The following HNRNPUL1 variants were observed in gnomAD, a reference collection of about 807,000 sequenced individuals.
The protein encoded by HNRNPUL1 is heterogeneous nuclear ribonucleoprotein U like 1.
A neutral mutation model predicts 108.5 loss-of-function variants in HNRNPUL1; 14 were observed. The observed-to-expected ratio is 0.13, with a 90% confidence interval of 0.09 to 0.20. The LOEUF is 0.20. Ranked by LOEUF, HNRNPUL1 falls within the 10% of genes least tolerant of loss-of-function variation. The pLI is 1.00. For synonymous variants in HNRNPUL1, 422 were observed against 445.2 expected (o/e 0.95, Z 0.66); for missense variants, 804 against 1,168.3 (o/e 0.69, Z 4.55).
At chr19:41,281,533 C>G (rs190166151) in intron 7 of HNRNPUL1, among the ~76,000 whole-genome samples, 1 of 152,024 alleles carries the variant, frequency 6.6e-6, no homozygotes, top group Admixed American at 6.6e-5. Context: ...AGCCTTCCTC[C>G]GTTCCTAGGT....
chr19:41,295,711 C>G (rs1599839366), intron 10 of HNRNPUL1, among the ~76,000 whole-genome samples: 2 of 152,304 alleles, frequency 1.3e-5, no homozygotes, highest in South Asian at 4.1e-4. Context: ...TACGTGTAGG[C>G]CTGGATACTT....
chr19:41,292,222 A>T lies in HNRNPUL1; in HGVS notation c.1000-23A>T, dbSNP rs1238198126. The T allele has an allele frequency of 5.6e-6, 9 of 1,611,180 alleles. No individual in the cohort carries two copies. The highest frequency in any genetic ancestry group is 6.8e-6 in the Non-Finnish European group (8 of 1,177,760). On this transcript the variant is annotated intron_variant, in intron 7 of 14. Coordinates refer to ENST00000392006, the MANE Select transcript of HNRNPUL1 (RefSeq NM_007040.6). This position sits in a 1 kb window ranked among gnomAD's most constrained non-coding sequence, Gnocchi z 4.1. ...GCCTATGGCAAGAGTTGGCAATCAT[A>T]TTCCTTTGGCTTTTTCTCCTAGGAT...
In HNRNPUL1 at chr19:41,303,514, C is replaced by T. The variant is rs538600126; in HGVS notation, c.1973-458C>T. Among the ~76,000 whole-genome samples, 52 of 152,186 alleles carry T rather than the reference C, an allele frequency of 3.4e-4. 2 individuals carry two copies. The South Asian group carries it at 9.6e-3, about 28-fold the overall frequency. ...GGATTGTAGGCAAGCACCACCACGC[C>T]CGGCTAATTTTGTATTTTTAGTAGA... On this transcript the variant is annotated intron_variant, in intron 12 of 14. Coordinates refer to ENST00000392006, the MANE Select transcript of HNRNPUL1 (RefSeq NM_007040.6).
chr19:41,293,399 C>T lies in HNRNPUL1; in HGVS notation c.1266+888C>T, dbSNP rs547293578. ...CTTCACATTATTTTGTGAGCTTTAT[C>T]CCATCACATAAAAACCTCTCTTTGA... On this transcript the variant is annotated intron_variant, in intron 8 of 14. Transcript: ENST00000392006. Among the ~76,000 whole-genome samples the T allele has an allele frequency of 8.5e-5, 13 of 152,202 alleles. No homozygotes were observed. In the East Asian group the frequency reaches 2.5e-3, roughly 29 times the overall value.
chr19:41,276,217 A>G lies in HNRNPUL1; in HGVS notation c.705A>G (p.Thr235=), dbSNP rs2035546517. The G allele has an allele frequency of 6.2e-7, 1 of 1,613,880 alleles. No homozygotes were observed. Among genetic ancestry groups the G allele is most frequent in the Non-Finnish European group, 8.5e-7 (1 of 1,179,968 alleles). ...ARDRSSGYPL[T]IEGFAYLWSG... is the part of the protein sequence containing the mutation. ...ATCGGAGTAGTGGCTATCCGCTCAC[A>G]ATTGAGGGCTTTGCATACCTGTGGT... is the stretch of plus-strand genomic sequence containing the variant. The change falls in exon 5 of 15, where the codon ACA becomes ACG. Residue 235 remains threonine (T), a synonymous_variant. Coordinates refer to ENST00000392006, the MANE Select transcript of HNRNPUL1 (RefSeq NM_007040.6).
intron 2 of HNRNPUL1, among the ~76,000 whole-genome samples, chr19:41,270,565 G>A (rs1413835201): frequency 1.4e-5 from 2 of 147,540 alleles, no homozygotes; most frequent in African/African-American, 2.5e-5. Context: ...ACAGAACAAA[G>A]TTCCCCATGA....
intron 2 of HNRNPUL1, among the ~76,000 whole-genome samples, chr19:41,270,257 A>T (rs2035141046): frequency 6.6e-6 from 1 of 151,954 alleles, no homozygotes; most frequent in Non-Finnish European, 1.5e-5. Context: ...TTCTGGGGTT[A>T]CAGGCGTGAG....
intron 5 of HNRNPUL1, chr19:41,278,348 A>C (rs1286164831): frequency 6.6e-6 from 1 of 151,936 alleles, no homozygotes; most frequent in African/African-American, 2.4e-5. Flanking sequence ...GGCTTGAGCC[A>C]CCGTGCCCGG....
At chr19:41,303,888 C>T in intron 12 of HNRNPUL1, 84 bp from the exon 13 acceptor site, 1 of 1,511,816 alleles carries the variant, frequency 6.6e-7, no homozygotes. Flanking sequence ...CATGCCGGCT[C>T]ACAGTAGTCA....
intron 7 of HNRNPUL1, among the ~76,000 whole-genome samples, chr19:41,281,972 A>G (rs533916705): frequency 2.9e-4 from 44 of 152,338 alleles, no homozygotes; most frequent in Admixed American, 1.9e-3. Context: ...AAGTTAATCC[A>G]TTAAAAGCAC....
At position 41,269,693 on chromosome 19, in the gene HNRNPUL1, C is replaced by T. The variant is rs2035095212; in HGVS notation, c.418+1348C>T. 1.3e-5 allele frequency among the ~76,000 whole-genome samples: 2 copies of T among 151,976 alleles called. 1 individual carries two copies. Among genetic ancestry groups the T allele is most frequent in the Admixed American group, 1.3e-4 (2 of 15,270 alleles). On this transcript the variant is annotated intron_variant, in intron 2 of 14. Transcript: ENST00000392006. ...GGTGACATGCTTGTAGTCCCAGCTA[C>T]TCAGAAGACTGAGTCAGGAGGATCA... is the stretch of plus-strand genomic sequence containing the variant.
chr19:41,302,445 C>G (rs1393453811), intron 11 of HNRNPUL1: 5 of 621,054 alleles, frequency 8.1e-6, no homozygotes, highest in Non-Finnish European at 1.5e-5. Context: ...TCTTGAACTC[C>G]TGACCTCAGG....
intron 1 of HNRNPUL1, among the ~76,000 whole-genome samples, chr19:41,267,087 A>G (rs184489218): frequency 1.8e-4 from 27 of 152,306 alleles, no homozygotes; most frequent in Admixed American, 5.2e-4. Context: ...TGGCTTAAAG[A>G]TATTGGCAAG....
At chr19:41,303,208 C>A (rs1184263878) in intron 12 of HNRNPUL1, among the ~76,000 whole-genome samples, 1 of 152,114 alleles carries the variant, frequency 6.6e-6, no homozygotes, top group Admixed American at 6.5e-5. Flanking sequence ...TTTTTGTGAA[C>A]CTTCCCCCAT....
chr19:41,264,330 T>A, upstream of HNRNPUL1: 1 of 499,866 alleles, frequency 2.0e-6, no homozygotes, highest in Non-Finnish European at 3.2e-6. Flanking sequence ...TCATGTAACA[T>A]CGGACGAGGC....
intron 4 of HNRNPUL1, among the ~76,000 whole-genome samples, chr19:41,275,658 T>A (rs1327077733): frequency 2.6e-5 from 4 of 152,146 alleles, no homozygotes; most frequent in African/African-American, 9.7e-5. Context: ...ACAGGCCAAT[T>A]TGCAATACTG....
chr19:41,292,528 T>C lies in HNRNPUL1; in HGVS notation c.1266+17T>C, dbSNP rs1221017267. 6.2e-7 allele frequency: 1 copy of C among 1,600,460 alleles called. No individual in the cohort carries two copies. The highest frequency in any genetic ancestry group is 8.6e-7 in the Non-Finnish European group (1 of 1,169,522). On this transcript the variant is annotated intron_variant, in intron 8 of 14. Coordinates refer to ENST00000392006, the MANE Select transcript of HNRNPUL1 (RefSeq NM_007040.6). The surrounding 1 kb of genome is among the most constrained non-coding windows in gnomAD (Gnocchi z 4.1). The stretch of plus-strand genomic sequence containing the variant: ...GAATGTGAGGTGAGTGGGGCCAGAA[T>C]GTATTGGTGGCCACCTTGCTGCCAA...
intron 3 of HNRNPUL1, 32 bp downstream of exon 3, chr19:41,272,267 C>G (rs753111935): frequency 8.1e-6 from 13 of 1,605,906 alleles, no homozygotes; most frequent in Non-Finnish European, 1.0e-5. Context: ...CACCCTTGCT[C>G]TGGTAGGTTT....
chr19:41,284,933 T>G lies in HNRNPUL1; in HGVS notation c.999+3658T>G, dbSNP rs546530633. Among the ~76,000 whole-genome samples the G allele has an allele frequency of 2.0e-5, 3 of 151,024 alleles. No homozygotes were observed. The East Asian group carries it at 5.9e-4, about 30-fold the overall frequency. On this transcript the variant is annotated intron_variant, in intron 7 of 14. Transcript: ENST00000392006. ...ATGGCGTGACCCTGGGAGGCGGAGCTTGCAGTGAGCCACGATTGCGCCACT... is the reference window on the plus strand; with the variant it reads ...ATGGCGTGACCCTGGGAGGCGGAGCGTGCAGTGAGCCACGATTGCGCCACT...
Sources: allele counts gnomAD v4.1 joint callset (sites outside exome capture counted in the v4.1 genomes callset), GRCh38; gene constraint gnomAD v4.1.1; non-coding constraint Gnocchi (gnomAD v3.1); transcripts MANE v1.5; gene names NCBI Gene and HGNC (gene_info 2026-07-23, HGNC 2026-07-21).